The following GRIA1 variants were observed in gnomAD, a reference collection of about 807,000 sequenced individuals.
GRIA1 encodes glutamate ionotropic receptor AMPA type subunit 1.
GRIA1 carries 31 observed loss-of-function variants against 99.2 expected under a neutral mutation model. The observed-to-expected ratio is 0.31, with a 90% confidence interval of 0.23 to 0.42. The LOEUF (loss-of-function observed/expected upper bound fraction) is 0.42, where lower values mean the gene tolerates loss of function less well. Ranked by LOEUF, GRIA1 falls within the 10% of genes least tolerant of loss-of-function variation. GRIA1 has a pLI of 1.00. For synonymous variants in GRIA1, 438 were observed against 432.4 expected, an observed-to-expected ratio of 1.01 and a Z score of -0.16; for missense variants, 782 against 1,157.5, an observed-to-expected ratio of 0.68 and a Z score of 4.71.
At chr5:153,527,127 A>T (rs1258664386) in intron 2 of GRIA1, among the ~76,000 whole-genome samples, 1 of 152,160 alleles carries the variant, frequency 6.6e-6, no homozygotes, top group African/African-American at 2.4e-5. Flanking sequence ...TGCTGATCAT[A>T]ATCTTGAGAA....
intron 9 of GRIA1, 138 bp downstream of exon 9, chr5:153,698,292 T>C (rs544065150): frequency 1.9e-6 from 1 of 521,058 alleles, no homozygotes; most frequent in South Asian, 3.0e-5. Flanking sequence ...GAAAAGGGAA[T>C]GCCCTGAAAA....
At chr5:153,516,460 C>T (rs1756639828) in intron 2 of GRIA1, among the ~76,000 whole-genome samples, 1 of 151,850 alleles carries the variant, frequency 6.6e-6, no homozygotes, top group South Asian at 2.1e-4. Flanking sequence ...TCTGATTTTA[C>T]CAATGAACAA....
Position 153,811,101 on chromosome 5 carries a change from G to T in GRIA1, c.2597G>T (p.Gly866Val). ...TSTLPRNSGA[G>V]ASSGGSGENG... ...ACCCTCCCCCGCAACAGCGGGGCAG[G>T]AGCCAGCAGCGGCGGCAGTGGAGAG... The change falls in exon 16 of 16, where the codon GGA (glycine) becomes GTA (valine). Residue 866 changes from glycine to valine, a missense_variant. Gly to Val is a moderately radical substitution (Grantham distance 109). Transcript: ENST00000285900. 1 of 1,614,122 alleles carries T rather than the reference G, an allele frequency of 6.2e-7. No homozygotes were observed. The highest frequency in any genetic ancestry group is 8.5e-7 in the Non-Finnish European group (1 of 1,179,970).
At chr5:153,721,980 G>A (rs568618823) in intron 11 of GRIA1, among the ~76,000 whole-genome samples, 2 of 152,316 alleles carry the variant, frequency 1.3e-5, no homozygotes, top group East Asian at 1.9e-4. Context: ...ATGTATATGA[G>A]TTCCAGTTGC....
chr5:153,804,727 TAA>T (rs1491140968), intron 15 of GRIA1, among the ~76,000 whole-genome samples: 68 of 59,966 alleles, frequency 1.1e-3, no homozygotes, highest in Middle Eastern at 0.018. Context: ...ATTAATTAAT[TAA>T]TTAATTTATT....
chr5:153,570,545 A>AT (rs1268557596), intron 2 of GRIA1, among the ~76,000 whole-genome samples: 1 of 152,228 alleles, frequency 6.6e-6, no homozygotes, highest in Non-Finnish European at 1.5e-5. Context: ...AGAATAGACA[A>AT]TTTTTTTTCC....
At chr5:153,581,599 C>T (rs943562458) in intron 2 of GRIA1, among the ~76,000 whole-genome samples, 1 of 152,170 alleles carries the variant, frequency 6.6e-6, no homozygotes, top group Admixed American at 6.5e-5. Flanking sequence ...GCTCAGCCAT[C>T]TCTTCAGTCA....
intron 11 of GRIA1, among the ~76,000 whole-genome samples, chr5:153,741,101 C>T (rs753745539): frequency 1.1e-4 from 16 of 151,228 alleles, no homozygotes; most frequent in East Asian, 5.9e-4. Context: ...CTCAGCCTCC[C>T]GAGTAGCTGG....
chr5:153,733,479 G>C (rs1761178732), intron 11 of GRIA1, among the ~76,000 whole-genome samples: 1 of 151,964 alleles, frequency 6.6e-6, no homozygotes, highest in Admixed American at 6.6e-5. Context: ...CAGAAACAAT[G>C]AACAAAATGT....
intron 4 of GRIA1, among the ~76,000 whole-genome samples, chr5:153,654,221 G>A (rs919377535): frequency 2.0e-5 from 3 of 152,152 alleles, no homozygotes; most frequent in African/African-American, 7.2e-5. Flanking sequence ...TTAGAGGAGG[G>A]AAGGTCAATG....
At chr5:153,689,024 T>TTTTC (rs947041140) in intron 8 of GRIA1, among the ~76,000 whole-genome samples, 7 of 151,922 alleles carry the variant, frequency 4.6e-5, no homozygotes, top group African/African-American at 9.7e-5. Flanking sequence ...CCAGGCTTTT[T>TTTTC]TTTCTTTCTT....
chr5:153,499,977 G>A lies in GRIA1; in HGVS notation c.220+5912G>A, dbSNP rs146724812. Among the ~76,000 whole-genome samples, 857 of 152,288 alleles carry A rather than the reference G, an allele frequency of 5.6e-3. 12 individuals carry two copies. The highest frequency in any genetic ancestry group is 0.02 in the African/African-American group (817 of 41,558). On this transcript the variant is annotated intron_variant, in intron 2 of 15. Coordinates refer to ENST00000285900, the MANE Select transcript of GRIA1 (RefSeq NM_000827.4). ...ACCACACTATGTTCTCAGCTCCATG[G>A]CAGATGTCTACATTTCTCTGGTTAA...
intron 2 of GRIA1, among the ~76,000 whole-genome samples, chr5:153,589,160 C>T (rs908234634): frequency 6.6e-6 from 1 of 152,080 alleles, no homozygotes; most frequent in African/African-American, 2.4e-5. Context: ...AGTATGTTAA[C>T]ATCATCAACA....
chr5:153,764,392 T>C, intron 11 of GRIA1, 42 bp from the exon 12 acceptor site: 1 of 1,503,020 alleles, frequency 6.7e-7, no homozygotes, highest in Non-Finnish European at 9.3e-7. Flanking sequence ...CTTTCCACAG[T>C]TGATGTCCAT....
At chr5:153,774,520 A>G (rs1449844272) in intron 13 of GRIA1, among the ~76,000 whole-genome samples, 1 of 152,216 alleles carries the variant, frequency 6.6e-6, no homozygotes, top group Non-Finnish European at 1.5e-5. Context: ...CTTCAGCCCT[A>G]TCAAAGGTAG....
intron 2 of GRIA1, among the ~76,000 whole-genome samples, chr5:153,618,241 C>A (rs1175815923): frequency 6.6e-6 from 1 of 152,176 alleles, no homozygotes; most frequent in East Asian, 1.9e-4. Flanking sequence ...GGATAATTTG[C>A]ATTTTATTCT....
chr5:153,723,875 A>C (rs1440073458), intron 11 of GRIA1, among the ~76,000 whole-genome samples: 1 of 152,176 alleles, frequency 6.6e-6, no homozygotes, highest in Non-Finnish European at 1.5e-5. Flanking sequence ...CCTGTCTGAC[A>C]GCTTTGAAGA....
intron 8 of GRIA1, among the ~76,000 whole-genome samples, chr5:153,691,266 T>C (rs192018833): frequency 6.2e-4 from 94 of 152,330 alleles, no homozygotes; most frequent in African/African-American, 2.2e-3. Context: ...CTGAATAAAA[T>C]ATCTTGTCAA....
At chr5:153,499,819 G>C (rs1161287914) in intron 2 of GRIA1, among the ~76,000 whole-genome samples, 1 of 152,060 alleles carries the variant, frequency 6.6e-6, no homozygotes, top group African/African-American at 2.4e-5. Context: ...AAAGGGTGGA[G>C]CAGATTTTGG....
Sources: gnomAD v4.1 joint callset for allele counts (sites outside exome capture counted in the v4.1 genomes callset) on GRCh38, gnomAD v4.1.1 for gene constraint, MANE v1.5 for transcripts, NCBI Gene and HGNC (gene_info 2026-07-23, HGNC 2026-07-21) for gene names.